The following ZNF804B variants were observed in gnomAD, a reference collection of about 807,000 sequenced individuals.
The protein encoded by ZNF804B is zinc finger protein 804B.
In ZNF804B, 80 loss-of-function variants were observed where a neutral mutation model predicts 101.4. The ratio of observed to expected loss-of-function variants is 0.79; its 90% confidence interval spans 0.66 to 0.95. The LOEUF (loss-of-function observed/expected upper bound fraction) is 0.95. Ranked by LOEUF, ZNF804B falls within the 40% of genes least tolerant of loss-of-function variation. The probability of loss-of-function intolerance (pLI) is 0.00; values close to 1 mark genes in which losing one functional copy is unlikely to be tolerated. For missense variants in ZNF804B, 1,673 were observed against 1,561.9 expected (o/e 1.07, Z -1.20); for synonymous variants, 622 against 558.8 (o/e 1.11, Z -1.59).
chr7:89,016,442 G>T (rs1788559950), intron 1 of ZNF804B, among the ~76,000 whole-genome samples: 1 of 151,474 alleles, frequency 6.6e-6, no homozygotes, highest in Non-Finnish European at 1.5e-5. Flanking sequence ...TAATGCCTAG[G>T]TTTTCTTCTA....
rs111598073 is a variant in ZNF804B, at chr7:88,798,023, C to G, written c.108+37939C>G. On this transcript the variant is annotated intron_variant, in intron 1 of 3. Coordinates refer to ENST00000333190, the MANE Select transcript of ZNF804B (RefSeq NM_181646.5). Reference sequence around the variant, plus strand: ...ATCTTCTGGCTTTGCTCATTCTCCTCCAGGTCTAGTTTTTGTGCACTGCTT... The same window carrying G: ...ATCTTCTGGCTTTGCTCATTCTCCTGCAGGTCTAGTTTTTGTGCACTGCTT... Among the ~76,000 whole-genome samples the G allele has an allele frequency of 3.4e-3, 521 of 152,098 alleles. 2 individuals are homozygous for G. The highest frequency in any genetic ancestry group is 0.012 in the African/African-American group (490 of 41,538).
intron 1 of ZNF804B, among the ~76,000 whole-genome samples, chr7:88,881,320 T>C (rs1018474982): frequency 1.3e-5 from 2 of 152,114 alleles, no homozygotes; most frequent in African/African-American, 4.8e-5. Context: ...AAAAATACTA[T>C]GAGATTATAT....
intron 1 of ZNF804B, among the ~76,000 whole-genome samples, chr7:89,113,007 C>T (rs1790243644): frequency 6.6e-6 from 1 of 152,106 alleles, no homozygotes; most frequent in Non-Finnish European, 1.5e-5. Flanking sequence ...AAATCTTCAA[C>T]ATACATATAA....
chr7:89,132,353 C>T (rs976893514), intron 1 of ZNF804B, among the ~76,000 whole-genome samples: 1 of 151,836 alleles, frequency 6.6e-6, no homozygotes, highest in Non-Finnish European at 1.5e-5. Flanking sequence ...TTGAAGTGTG[C>T]CTTGAAAAGT....
chr7:89,232,765 G>C (rs142652566), intron 2 of ZNF804B, among the ~76,000 whole-genome samples: 29 of 152,054 alleles, frequency 1.9e-4, no homozygotes, highest in African/African-American at 7.0e-4. Flanking sequence ...ATTTTTCTCA[G>C]TAAGTCTAGC....
At chr7:89,272,019 A>G (rs930025252) in intron 2 of ZNF804B, among the ~76,000 whole-genome samples, 20 of 152,062 alleles carry the variant, frequency 1.3e-4, no homozygotes, top group Admixed American at 2.0e-4. Context: ...AGCTTACAAC[A>G]TAAGGTTCAA....
intron 1 of ZNF804B, among the ~76,000 whole-genome samples, chr7:88,837,013 A>G (rs1168446329): frequency 6.6e-6 from 1 of 152,102 alleles, no homozygotes; most frequent in East Asian, 1.9e-4. Context: ...GCCAGAAAGG[A>G]CATATATGTT....
chr7:89,250,289 A>G (rs960581878), intron 2 of ZNF804B, among the ~76,000 whole-genome samples: 5 of 152,152 alleles, frequency 3.3e-5, no homozygotes, highest in African/African-American at 9.7e-5. Context: ...AAAGACCCTC[A>G]GATATTGTTA....
chr7:88,785,922 G>T (rs1212178885), intron 1 of ZNF804B, among the ~76,000 whole-genome samples: 2 of 152,056 alleles, frequency 1.3e-5, no homozygotes, highest in African/African-American at 4.8e-5. Context: ...GGTGAAGTTA[G>T]GAAACCATTG....
At chr7:88,768,712 T>G (rs1163345457) in intron 1 of ZNF804B, among the ~76,000 whole-genome samples, 2 of 152,218 alleles carry the variant, frequency 1.3e-5, no homozygotes, top group African/African-American at 4.8e-5. Context: ...AGTGAGACTC[T>G]GTCTCAGAAA....
chr7:89,145,669 A>C (rs1329586684), intron 1 of ZNF804B, among the ~76,000 whole-genome samples: 3 of 152,012 alleles, frequency 2.0e-5, no homozygotes, highest in African/African-American at 7.2e-5. Context: ...TCATTGACTA[A>C]TTCCACAAAC....
chr7:89,132,169 TACACACACAC>T lies in ZNF804B; in HGVS notation c.109-85960_109-85951del, dbSNP rs59188340. 1.2e-3 allele frequency among the ~76,000 whole-genome samples: 156 copies of T among 131,268 alleles called. 1 individual carries two copies. Among genetic ancestry groups the T allele is most frequent in the East Asian group, 5.4e-3 (26 of 4,812 alleles). The allele number at this position is 131,268 out of a possible 152,430, so 86.1% of individuals were successfully genotyped here. On this transcript the variant is annotated intron_variant, in intron 1 of 3. Coordinates refer to ENST00000333190, the MANE Select transcript of ZNF804B (RefSeq NM_181646.5). Reference sequence around the variant, plus strand: ...ACAGGAATGAGAACACACGCACACATACACACACACACACACACACACACACACACACACA... The same window carrying T: ...ACAGGAATGAGAACACACGCACACATACACACACACACACACACACACACA...
intron 1 of ZNF804B, among the ~76,000 whole-genome samples, chr7:88,982,358 A>G (rs1337526636): frequency 6.6e-6 from 1 of 152,084 alleles, no homozygotes; most frequent in Admixed American, 6.6e-5. Flanking sequence ...CTTAGTTATA[A>G]TATCTTTCAC....
At chr7:88,998,594 A>T (rs1788233634) in intron 1 of ZNF804B, among the ~76,000 whole-genome samples, 1 of 152,104 alleles carries the variant, frequency 6.6e-6, no homozygotes, top group South Asian at 2.1e-4. Flanking sequence ...GCCACAGTCT[A>T]GCAAATTATA....
intron 1 of ZNF804B, among the ~76,000 whole-genome samples, chr7:88,958,237 A>G (rs913818920): frequency 2.6e-5 from 4 of 151,424 alleles, no homozygotes; most frequent in Admixed American, 2.6e-4. Context: ...TATTTCTCTC[A>G]TAGGAAAATT....
In ZNF804B at chr7:89,114,944, C is replaced by T. The variant is rs537192880; in HGVS notation, c.109-103211C>T. On this transcript the variant is annotated intron_variant, in intron 1 of 3. Coordinates refer to ENST00000333190, the MANE Select transcript of ZNF804B (RefSeq NM_181646.5). ...AAACTATTAAACATTTAGCTTTACACGTTTATAGAGACCATAACCAAGTAT... is the reference window on the plus strand; with the variant it reads ...AAACTATTAAACATTTAGCTTTACATGTTTATAGAGACCATAACCAAGTAT... 3.3e-5 allele frequency among the ~76,000 whole-genome samples: 5 copies of T among 152,298 alleles called. No individual in the cohort carries two copies. In the East Asian group the frequency reaches 5.8e-4, roughly 18 times the overall value.
At chr7:89,160,073 ATAG>A (rs1350394862) in intron 1 of ZNF804B, among the ~76,000 whole-genome samples, 2 of 152,198 alleles carry the variant, frequency 1.3e-5, no homozygotes, top group African/African-American at 4.8e-5. Flanking sequence ...GACTTGAACA[ATAG>A]TAATTCCAAG....
chr7:88,834,476 A>G (rs1296629633), intron 1 of ZNF804B, among the ~76,000 whole-genome samples: 1 of 151,816 alleles, frequency 6.6e-6, no homozygotes, highest in Non-Finnish European at 1.5e-5. Context: ...TGAATGCAGA[A>G]TTGAAAACGC....
At chr7:89,029,019 G>A (rs1317557060) in intron 1 of ZNF804B, among the ~76,000 whole-genome samples, 1 of 152,118 alleles carries the variant, frequency 6.6e-6, no homozygotes, top group African/African-American at 2.4e-5. Context: ...CTTACTATGA[G>A]CTTGACATAG....
Sources: allele counts gnomAD v4.1 joint callset (sites outside exome capture counted in the v4.1 genomes callset), GRCh38; gene constraint gnomAD v4.1.1; transcripts MANE v1.5; gene names NCBI Gene and HGNC (gene_info 2026-07-23, HGNC 2026-07-21).